The following SLC38A12 variants were observed in gnomAD, a reference collection of about 807,000 sequenced individuals.
The protein encoded by SLC38A12 is solute carrier family 38 member 12, also known as putative sodium-coupled neutral amino acid transporter 12.
chr17:74,779,650 T>A, the SLC38A12 span, among the ~76,000 whole-genome samples: 4 of 152,144 alleles, frequency 2.6e-5, no homozygotes, highest in African/African-American at 7.2e-5. Flanking sequence ...CTGCTCTGAG[T>A]TCCCCTGCAG....
the SLC38A12 span, among the ~76,000 whole-genome samples, chr17:74,802,365 T>G: frequency 6.6e-6 from 1 of 152,130 alleles, no homozygotes; most frequent in African/African-American, 2.4e-5. Context: ...GGTGCCAGAC[T>G]GGGGGACTCA....
chr17:74,791,556 T>C, the SLC38A12 span, among the ~76,000 whole-genome samples: 1 of 152,276 alleles, frequency 6.6e-6, no homozygotes, highest in Admixed American at 6.5e-5. Context: ...TGATTGCCTC[T>C]GACCTTGCCC....
the SLC38A12 span, among the ~76,000 whole-genome samples, chr17:74,809,824 G>C: frequency 6.6e-6 from 1 of 152,188 alleles, no homozygotes; most frequent in East Asian, 1.9e-4. Flanking sequence ...CCCAGCATCA[G>C]AGTCGAATAA....
chr17:74,834,039 G>A, the SLC38A12 span, among the ~76,000 whole-genome samples: 2 of 152,002 alleles, frequency 1.3e-5, no homozygotes, highest in African/African-American at 4.8e-5. Flanking sequence ...CTCTCTCCCC[G>A]GTACCCCTCC....
At chr17:74,795,672 C>T in the SLC38A12 span, 3 of 1,519,262 alleles carry the variant, frequency 2.0e-6, no homozygotes, top group South Asian at 1.1e-5. Flanking sequence ...CCCAGCCCAG[C>T]CTGCACAGCT....
chr17:74,783,721 CTTTTTTTTTTTTTTTT>C, the SLC38A12 span, among the ~76,000 whole-genome samples: 127 of 104,004 alleles, frequency 1.2e-3, no homozygotes, highest in African/African-American at 4.5e-3. Flanking sequence ...CATGCTTTTT[CTTTTTTTTTTTTTTTT>C]TTTTTTTTTT....
the SLC38A12 span, chr17:74,788,903 C>G: frequency 3.1e-6 from 5 of 1,595,958 alleles, no homozygotes; most frequent in Non-Finnish European, 4.3e-6. Flanking sequence ...CGGGCCATGC[C>G]TCTGTTCCGT....
At chr17:74,790,472 G>T in the SLC38A12 span, among the ~76,000 whole-genome samples, 45,766 of 152,026 alleles carry the variant, frequency 0.3, 8,660 homozygotes, top group East Asian at 0.59. Context: ...CTGGGCACAG[G>T]CCTGGCCCCT....
At chr17:74,836,280 G>T in the SLC38A12 span, 5 of 1,611,928 alleles carry the variant, frequency 3.1e-6, no homozygotes, top group Non-Finnish European at 4.2e-6. This position sits in a 1 kb window ranked among gnomAD's most constrained non-coding sequence, Gnocchi z 4.2. Flanking sequence ...CCTCTTCCCC[G>T]TCTTCACCAT....
At chr17:74,837,257 T>A in the SLC38A12 span, 2 of 985,634 alleles carry the variant, frequency 2.0e-6, no homozygotes, top group Non-Finnish European at 2.4e-6. Flanking sequence ...AGGGCCTGGC[T>A]GGCCCCATGA....
chr17:74,795,194 C>A, the SLC38A12 span: 5 of 1,182,466 alleles, frequency 4.2e-6, no homozygotes, highest in African/African-American at 4.5e-5. Context: ...AGGGGAGAAG[C>A]ACCATGCCAA....
chr17:74,818,726 G>A, the SLC38A12 span, among the ~76,000 whole-genome samples: 3 of 152,210 alleles, frequency 2.0e-5, no homozygotes, highest in South Asian at 4.1e-4. Context: ...TAGCATTAAC[G>A]TGATAAAATG....
the SLC38A12 span, among the ~76,000 whole-genome samples, chr17:74,792,031 A>G: frequency 6.6e-6 from 1 of 152,112 alleles, no homozygotes; most frequent in South Asian, 2.1e-4. Flanking sequence ...CTGTAGTCCC[A>G]GCTACTCGGG....
chr17:74,811,762 T>G, the SLC38A12 span, among the ~76,000 whole-genome samples: 1 of 151,800 alleles, frequency 6.6e-6, no homozygotes, highest in Non-Finnish European at 1.5e-5. Context: ...CTAGGCATGG[T>G]GGCTCACGCC....
chr17:74,789,391 A>G, the SLC38A12 span, among the ~76,000 whole-genome samples: 1 of 151,978 alleles, frequency 6.6e-6, no homozygotes, highest in African/African-American at 2.4e-5. Context: ...TTAGCCTGGC[A>G]TGATGATGTG....
At chr17:74,824,960 T>A in the SLC38A12 span, among the ~76,000 whole-genome samples, 1 of 152,172 alleles carries the variant, frequency 6.6e-6, no homozygotes, top group East Asian at 1.9e-4. Flanking sequence ...TTTACCTGTC[T>A]CCAAACCCAT....
the SLC38A12 span, chr17:74,790,441 A>G: frequency 5.4e-6 from 4 of 738,298 alleles, no homozygotes; most frequent in South Asian, 4.7e-5. Flanking sequence ...GGTAGACTCA[A>G]AAGAGCACAG....
the SLC38A12 span, among the ~76,000 whole-genome samples, chr17:74,822,403 C>T: frequency 1.3e-5 from 2 of 152,228 alleles, no homozygotes; most frequent in Non-Finnish European, 2.9e-5. Context: ...TGCAGTGCTG[C>T]GGAGCAGGTG....
At chr17:74,794,090 T>A in the SLC38A12 span, among the ~76,000 whole-genome samples, 1 of 152,252 alleles carries the variant, frequency 6.6e-6, no homozygotes, top group East Asian at 1.9e-4. Flanking sequence ...ACTGGTTGTC[T>A]GAGCAGTAAC....
Sources: allele counts gnomAD v4.1 joint callset (sites outside exome capture counted in the v4.1 genomes callset), GRCh38; gene constraint gnomAD v4.1.1; non-coding constraint Gnocchi (gnomAD v3.1); transcripts MANE v1.5; gene names NCBI Gene and HGNC (gene_info 2026-07-23, HGNC 2026-07-21).